ANKS1A: variants seen among roughly 807,000 people sequenced by gnomAD.
The protein encoded by ANKS1A is ankyrin repeat and SAM domain-containing protein 1A.
ANKS1A carries 55 observed loss-of-function variants against 120.3 expected under a neutral mutation model. The ratio of observed to expected loss-of-function variants is 0.46; its 90% CI spans 0.37 to 0.57. The LOEUF (loss-of-function observed/expected upper bound fraction) is 0.57. Among genes scored for constraint, ANKS1A ranks in the 20% least tolerant of loss-of-function variants. The pLI is 0.00. For missense variants in ANKS1A, 1,123 were observed against 1,480.3 expected, an observed-to-expected ratio of 0.76 and a Z score of 3.96; for synonymous variants, 590 against 604.7, an observed-to-expected ratio of 0.98 and a Z score of 0.36.
chr6:35,035,953 T>C (rs776170297), intron 11 of ANKS1A, among the ~76,000 whole-genome samples: 3 of 152,198 alleles, frequency 2.0e-5, no homozygotes, highest in Non-Finnish European at 4.4e-5. Context: ...AGGAAAGCTG[T>C]TAGCACAAGG....
chr6:34,989,617 T>C (rs1772404737), intron 9 of ANKS1A, among the ~76,000 whole-genome samples: 1 of 152,238 alleles, frequency 6.6e-6, no homozygotes. Flanking sequence ...CTCTTGTCTT[T>C]TGATACAAGA....
chr6:34,944,634 A>G (rs1769696530), intron 1 of ANKS1A, among the ~76,000 whole-genome samples: 1 of 152,150 alleles, frequency 6.6e-6, no homozygotes, highest in Non-Finnish European at 1.5e-5. Context: ...TCCTGCATAT[A>G]CCAAAATCTG....
intron 8 of ANKS1A, among the ~76,000 whole-genome samples, chr6:34,985,796 G>A (rs1231735541): frequency 6.6e-6 from 1 of 152,180 alleles, no homozygotes. Flanking sequence ...ATTAGTATGT[G>A]GCATTCCTAT....
At chr6:35,038,096 C>G in intron 11 of ANKS1A, 1 of 438,440 alleles carries the variant, frequency 2.3e-6, no homozygotes, top group Non-Finnish European at 4.6e-6. Context: ...TAGTAGAAGA[C>G]AGAAGAGAAA....
chr6:35,049,941 CTCTT>C (rs1213726488), intron 11 of ANKS1A, among the ~76,000 whole-genome samples: 3 of 152,194 alleles, frequency 2.0e-5, no homozygotes, highest in Admixed American at 6.5e-5. Flanking sequence ...CCCATCAAAA[CTCTT>C]TCTTTCCCCT....
chr6:35,059,370 C>T (rs1183292917), intron 12 of ANKS1A, among the ~76,000 whole-genome samples: 2 of 152,268 alleles, frequency 1.3e-5, no homozygotes, highest in East Asian at 3.8e-4. Context: ...CCCCGAGCCC[C>T]GGCCCATGTG....
chr6:35,071,420 G>A (rs1466397459), intron 13 of ANKS1A, among the ~76,000 whole-genome samples: 2 of 152,194 alleles, frequency 1.3e-5, no homozygotes, highest in South Asian at 2.1e-4. Context: ...GGCACTCGGT[G>A]TCTTGTTGCT....
chr6:34,922,460 G>C lies in ANKS1A; in HGVS notation c.197+32861G>C, dbSNP rs76782566. The stretch of plus-strand genomic sequence containing the variant: ...GTTTTCACACGTTGTTTTGGCCACA[G>C]ACATTGCCTTCCCACCTCAATGAGC... On this transcript the variant is annotated intron_variant, in intron 1 of 23. Transcript: ENST00000360359. Among the ~76,000 whole-genome samples the C allele has an allele frequency of 4.5e-3, 682 of 152,242 alleles. 4 individuals are homozygous for C. The highest frequency in any genetic ancestry group is 0.015 in the African/African-American group (635 of 41,550).
chr6:35,066,655 G>C (rs1018011214), intron 13 of ANKS1A, among the ~76,000 whole-genome samples: 10 of 152,258 alleles, frequency 6.6e-5, no homozygotes, highest in Admixed American at 3.9e-4. Flanking sequence ...CAGATAACAA[G>C]GGCCTCAGAA....
At chr6:34,973,852 CCCCTTG>C (rs200352272) in intron 3 of ANKS1A, among the ~76,000 whole-genome samples, 1 of 103,238 alleles carries the variant, frequency 9.7e-6, no homozygotes, top group Non-Finnish European at 1.8e-5. Flanking sequence ...CCTTCCCCTT[CCCCTTG>C]CCCTCCCCTT....
chr6:35,077,449 G>A (rs1777427616), intron 13 of ANKS1A, among the ~76,000 whole-genome samples: 1 of 152,230 alleles, frequency 6.6e-6, no homozygotes, highest in African/African-American at 2.4e-5. Flanking sequence ...GCGTGTGCGA[G>A]AATGGCATTT....
intron 1 of ANKS1A, among the ~76,000 whole-genome samples, chr6:34,963,093 C>T (rs897900496): frequency 6.6e-6 from 1 of 151,860 alleles, no homozygotes; most frequent in Admixed American, 6.5e-5. Flanking sequence ...AACTCCTGAC[C>T]ACAGGTGATC....
chr6:34,896,714 C>T (rs536426379), intron 1 of ANKS1A, among the ~76,000 whole-genome samples: 3 of 152,076 alleles, frequency 2.0e-5, no homozygotes, highest in Non-Finnish European at 2.9e-5. Context: ...CCTGTAATCC[C>T]GGCACTTTGG....
chr6:35,086,913 G>C lies in ANKS1A; in HGVS notation c.3304-39G>C, dbSNP rs368736100. ...GCCTGCTGCCTCCAGCCCTGGCACA[G>C]AGCTCCCTCTGACTCTTGACTGCTT... On this transcript the variant is annotated intron_variant, in intron 22 of 23. Transcript: ENST00000360359. The surrounding 1 kb of genome is among the most constrained non-coding windows in gnomAD (Gnocchi z 5.1). The C allele has an allele frequency of 4.7e-4, 751 of 1,602,858 alleles. 4 individuals carry two copies. The South Asian group carries it at 5.2e-3, about 11-fold the overall frequency.
rs562519228 is a variant in ANKS1A at position 34,944,012 on chromosome 6, G to A, written c.198-23227G>A. Among the ~76,000 whole-genome samples the A allele has an allele frequency of 9.2e-5, 14 of 152,266 alleles. No individual in the cohort carries two copies. The South Asian group carries it at 2.9e-3, about 32-fold the overall frequency. ...ATATAGGCTGGGCGTGGTGGCTCAC[G>A]CCTGTAATCCCAGCACTTTGGGAGG... On this transcript the variant is annotated intron_variant, in intron 1 of 23. Transcript: ENST00000360359.
intron 10 of ANKS1A, among the ~76,000 whole-genome samples, chr6:34,994,773 G>A (rs1354119653): frequency 6.6e-6 from 1 of 152,160 alleles, no homozygotes. Flanking sequence ...AGCTCAACAA[G>A]TCAGTCCCTT....
At chr6:34,976,162 A>G (rs551581127) in intron 3 of ANKS1A, among the ~76,000 whole-genome samples, 2 of 146,478 alleles carry the variant, frequency 1.4e-5, no homozygotes, top group Non-Finnish European at 3.0e-5. Context: ...GAAAAGAAAA[A>G]CTGATCTGAT....
intron 1 of ANKS1A, among the ~76,000 whole-genome samples, chr6:34,917,716 C>G (rs1355425664): frequency 6.6e-6 from 1 of 152,202 alleles, no homozygotes; most frequent in Non-Finnish European, 1.5e-5. Context: ...TGCTCACTGG[C>G]CTCTTCTCCG....
At position 35,069,966 on chromosome 6, in the gene ANKS1A, G is replaced by A. The variant is rs564560289; in HGVS notation, c.2185-8592G>A. On this transcript the variant is annotated intron_variant, in intron 13 of 23. Coordinates refer to ENST00000360359, the MANE Select transcript of ANKS1A (RefSeq NM_015245.3). ...CGCTTGAACCTGGGAGGTGGAAGTT[G>A]CGGTGAGCCAAGATTGTGCCATTGC... 2.1e-4 allele frequency among the ~76,000 whole-genome samples: 32 copies of A among 150,826 alleles called. No homozygotes were observed. In the South Asian group the frequency reaches 6.1e-3, roughly 29 times the overall value.
Sources: allele counts gnomAD v4.1 joint callset (sites outside exome capture counted in the v4.1 genomes callset), GRCh38; gene constraint gnomAD v4.1.1; non-coding constraint Gnocchi (gnomAD v3.1); transcripts MANE v1.5; gene names NCBI Gene and HGNC (gene_info 2026-07-23, HGNC 2026-07-21).